Variants in PAQR8 observed in about 807,000 individuals in gnomAD.
PAQR8 encodes membrane progestin receptor beta.
A neutral mutation model predicts 25.2 loss-of-function variants in PAQR8; 17 were observed. The ratio of observed to expected loss-of-function variants is 0.67; its 90% confidence interval spans 0.46 to 1.01. The LOEUF (loss-of-function observed/expected upper bound fraction) is 1.01, where lower values mean the gene tolerates loss of function less well. Ranked by LOEUF, PAQR8 falls within the 50% of genes least tolerant of loss-of-function variation. The pLI is 0.00. For synonymous variants in PAQR8, 204 were observed against 190.6 expected (o/e 1.07, Z -0.58); for missense variants, 392 against 448.4 (o/e 0.87, Z 1.14).
At chr6:52,387,967 T>C (rs1763652204) in intron 1 of PAQR8, among the ~76,000 whole-genome samples, 1 of 152,260 alleles carries the variant, frequency 6.6e-6, no homozygotes, top group Admixed American at 6.5e-5. Flanking sequence ...TCTGTTACTG[T>C]CTGCCATCAC....
intron 1 of PAQR8, among the ~76,000 whole-genome samples, chr6:52,390,654 C>G (rs1353735008): frequency 1.3e-5 from 2 of 152,292 alleles, no homozygotes; most frequent in East Asian, 3.9e-4. Context: ...ATTGTGTATA[C>G]TGGCTTTTCC....
chr6:52,372,502 C>T (rs909623487), intron 1 of PAQR8, among the ~76,000 whole-genome samples: 1 of 152,118 alleles, frequency 6.6e-6, no homozygotes, highest in African/African-American at 2.4e-5. Flanking sequence ...CTCTTGGCAC[C>T]TCTGTGACCT....
chr6:52,386,364 CAA>C (rs751763053), intron 1 of PAQR8, among the ~76,000 whole-genome samples: 40 of 152,164 alleles, frequency 2.6e-4, no homozygotes, highest in Non-Finnish European at 5.1e-4. Flanking sequence ...CAAAGGAAAA[CAA>C]ATTGTTCTAC....
intron 1 of PAQR8, among the ~76,000 whole-genome samples, chr6:52,370,060 C>A (rs958531286): frequency 2.0e-5 from 3 of 150,044 alleles, no homozygotes; most frequent in Admixed American, 2.0e-4. Context: ...AAAGGTATTT[C>A]TTGGATTGCA....
intron 1 of PAQR8, among the ~76,000 whole-genome samples, chr6:52,396,320 G>T (rs1205194182): frequency 6.6e-6 from 1 of 152,178 alleles, no homozygotes; most frequent in Admixed American, 6.5e-5. Context: ...GGGCTAGAGG[G>T]TACTGAGTTT....
chr6:52,371,905 C>T (rs1479160423), intron 1 of PAQR8, among the ~76,000 whole-genome samples: 2 of 152,144 alleles, frequency 1.3e-5, no homozygotes, highest in Non-Finnish European at 2.9e-5. Context: ...TGTGTGGGGG[C>T]ATGAAATCGT....
intron 1 of PAQR8, among the ~76,000 whole-genome samples, chr6:52,367,324 C>T (rs546794014): frequency 1.3e-5 from 2 of 152,324 alleles, no homozygotes; most frequent in East Asian, 3.9e-4. Flanking sequence ...CCTGCATTAG[C>T]ACCCTGACAC....
rs35079265 is a variant in PAQR8, at chr6:52,393,333, CTTTTT to C, written c.-52-9813_-52-9809del. 5.2e-3 allele frequency among the ~76,000 whole-genome samples: 573 copies of C among 111,176 alleles called. 3 individuals are homozygous for C. Among genetic ancestry groups the C allele is most frequent in the African/African-American group, 0.019 (536 of 28,728 alleles). 72.9% of individuals were successfully genotyped at this position (111,176 alleles called of 152,430 possible). A position where few individuals can be genotyped will look rare whatever the true frequency, so the allele number is the denominator to read the frequency against. On this transcript the variant is annotated intron_variant, in intron 1 of 1. Coordinates refer to ENST00000442253, the MANE Select transcript of PAQR8 (RefSeq NM_133367.5). ...ACTATTATTCTGACACTTTCTCTCT[CTTTTT>C]TTTTTTTTTTTTTTTGAGACGGCGT...
At chr6:52,369,440 A>G (rs1475474311) in intron 1 of PAQR8, among the ~76,000 whole-genome samples, 1 of 152,222 alleles carries the variant, frequency 6.6e-6, no homozygotes, top group Non-Finnish European at 1.5e-5. Flanking sequence ...ATTCTCAAAG[A>G]ATAGAGAATT....
intron 1 of PAQR8, among the ~76,000 whole-genome samples, chr6:52,371,499 C>A (rs1483113978): frequency 1.3e-5 from 2 of 151,998 alleles, no homozygotes; most frequent in African/African-American, 4.8e-5. Flanking sequence ...GTACTGTTGA[C>A]AATAACACAG....
intron 1 of PAQR8, among the ~76,000 whole-genome samples, chr6:52,375,170 TC>T (rs1240085988): frequency 6.6e-6 from 1 of 152,074 alleles, no homozygotes; most frequent in East Asian, 1.9e-4. Flanking sequence ...GTGCCACTGT[TC>T]CCTCCTGAGC....
chr6:52,395,939 C>T (rs1470707853), intron 1 of PAQR8, among the ~76,000 whole-genome samples: 1 of 152,234 alleles, frequency 6.6e-6, no homozygotes, highest in Non-Finnish European at 1.5e-5. Context: ...AGCCAGACTT[C>T]CTGACTCCCA....
Position 52,403,919 on chromosome 6 carries a change from C to A in PAQR8, c.706C>A (p.His236Asn). 1.9e-6 allele frequency: 3 copies of A among 1,614,248 alleles called. No individual in the cohort carries two copies. Among genetic ancestry groups the A allele is most frequent in the Non-Finnish European group, 2.5e-6 (3 of 1,180,038 alleles). Reference protein sequence around the residue: ...SPVAHRVALCHLAGCQEQAAW... With the variant: ...SPVAHRVALCNLAGCQEQAAW... Reference sequence around the variant, plus strand: ...TGTGGCACACCGTGTGGCGCTCTGTCACCTGGCTGGCTGCCAGGAGCAAGC... The same window carrying A: ...TGTGGCACACCGTGTGGCGCTCTGTAACCTGGCTGGCTGCCAGGAGCAAGC... The change falls in exon 2 of 2, where the codon CAC becomes AAC. Residue 236 changes from histidine to asparagine, a missense_variant. By Grantham distance (68) the His-to-Asn change is moderately conservative. Transcript: ENST00000442253.
At chr6:52,402,437 G>A (rs930987938) in intron 1 of PAQR8, among the ~76,000 whole-genome samples, 21 of 151,182 alleles carry the variant, frequency 1.4e-4, no homozygotes, top group African/African-American at 4.6e-4. Flanking sequence ...GACCAACATG[G>A]AGAAACCCCA....
chr6:52,389,669 A>G (rs1413850914), intron 1 of PAQR8, among the ~76,000 whole-genome samples: 1 of 152,250 alleles, frequency 6.6e-6, no homozygotes, highest in Non-Finnish European at 1.5e-5. Flanking sequence ...TAGAACCACC[A>G]GGAGAGTGTA....
chr6:52,363,035 A>G (rs12525609), intron 1 of PAQR8, among the ~76,000 whole-genome samples: 133,097 of 151,852 alleles, frequency 0.88, 58,491 homozygotes, highest in African/African-American at 0.92. Flanking sequence ...CTAGGCTATG[A>G]GAACGCAGCG....
intron 1 of PAQR8, among the ~76,000 whole-genome samples, chr6:52,380,325 A>G (rs901390476): frequency 1.3e-5 from 2 of 152,244 alleles, no homozygotes; most frequent in East Asian, 1.9e-4. Context: ...TGGTATGGCA[A>G]TGCTCAGTCA....
chr6:52,392,997 AG>A (rs1288715348), intron 1 of PAQR8, among the ~76,000 whole-genome samples: 1 of 152,236 alleles, frequency 6.6e-6, no homozygotes, highest in African/African-American at 2.4e-5. Context: ...GAAGCAAAGC[AG>A]TATTGCAGCA....
rs1763874735 is a variant in PAQR8 at position 52,403,902 on chromosome 6, A to G, written c.689A>G (p.His230Arg). Residue 230 changes from histidine (H) to arginine (R), a missense_variant, in exon 2 of 2, where the codon CAC becomes CGC. Transcript: ENST00000442253. ...ATCCTAGACATCAGCCCTGTGGCAC[A>G]CCGTGTGGCGCTCTGTCACCTGGCT... Reference protein sequence around the residue: ...AFILDISPVAHRVALCHLAGC... With the variant: ...AFILDISPVARRVALCHLAGC... 1.2e-6 allele frequency: 2 copies of G among 1,614,232 alleles called. No individual in the cohort carries two copies. Among genetic ancestry groups the G allele is most frequent in the East Asian group, 2.2e-5 (1 of 44,892 alleles).
Sources: gnomAD v4.1 joint callset for allele counts (sites outside exome capture counted in the v4.1 genomes callset) on GRCh38, gnomAD v4.1.1 for gene constraint, MANE v1.5 for transcripts, NCBI Gene and HGNC (gene_info 2026-07-23, HGNC 2026-07-21) for gene names.